The following FAM184B variants were observed in gnomAD, a reference collection of about 807,000 sequenced individuals.
FAM184B encodes the protein protein FAM184B.
FAM184B carries 111 observed loss-of-function variants against 135.9 expected under a neutral mutation model. The ratio of observed to expected loss-of-function variants is 0.82; its 90% CI spans 0.70 to 0.96. The LOEUF (loss-of-function observed/expected upper bound fraction) is 0.96. Ranked by LOEUF, FAM184B falls within the 40% of genes least tolerant of loss-of-function variation. The pLI is 0.00. For synonymous variants in FAM184B, 552 were observed against 524.8 expected, an observed-to-expected ratio of 1.05 and a Z score of -0.71; for missense variants, 1,375 against 1,323.9, an observed-to-expected ratio of 1.04 and a Z score of -0.60.
At chr4:17,637,028 CTTT>C (rs966128863) in intron 14 of FAM184B, among the ~76,000 whole-genome samples, 2 of 151,844 alleles carry the variant, frequency 1.3e-5, no homozygotes, top group African/African-American at 4.8e-5. Flanking sequence ...TACCTATGGC[CTTT>C]TTTTTCTTTT....
At chr4:17,726,879 G>T (rs573295908) in intron 1 of FAM184B, among the ~76,000 whole-genome samples, 2 of 152,182 alleles carry the variant, frequency 1.3e-5, no homozygotes, top group South Asian at 4.1e-4. Flanking sequence ...GATCTGGCTA[G>T]TGTCATGGAC....
intron 3 of FAM184B, 113 bp from the exon 4 acceptor site, chr4:17,706,004 C>A (rs62295656): frequency 0.35 from 470,989 of 1,361,046 alleles, 85,700 homozygotes; most frequent in Middle Eastern, 0.41. Flanking sequence ...TCCAACATCC[C>A]CTGTGTAATT....
intron 10 of FAM184B, among the ~76,000 whole-genome samples, chr4:17,657,355 A>T (rs1172241873): frequency 6.6e-6 from 1 of 152,180 alleles, no homozygotes; most frequent in African/African-American, 2.4e-5. Context: ...GCTGTTGTCC[A>T]GCAGCAAAAC....
At chr4:17,710,073 C>T (rs1489336321) in intron 1 of FAM184B, among the ~76,000 whole-genome samples, 2 of 152,098 alleles carry the variant, frequency 1.3e-5, no homozygotes, top group African/African-American at 4.8e-5. Context: ...CGGCTGTAAT[C>T]CCAGCACTTT....
intron 1 of FAM184B, among the ~76,000 whole-genome samples, chr4:17,772,836 G>A (rs1454234596): frequency 6.6e-6 from 1 of 152,192 alleles, no homozygotes; most frequent in Non-Finnish European, 1.5e-5. Flanking sequence ...CCTGCCAGGT[G>A]CACCTACCCC....
At chr4:17,750,955 T>C (rs1718276129) in intron 1 of FAM184B, among the ~76,000 whole-genome samples, 1 of 152,066 alleles carries the variant, frequency 6.6e-6, no homozygotes, top group African/African-American at 2.4e-5. Context: ...TCCCGACCCA[T>C]AGGACCCAAG....
rs1715078473 is a variant in FAM184B at position 17,634,999 on chromosome 4, A to G, written c.2889+10T>C. On this transcript the variant is annotated intron_variant, in intron 16 of 17. Coordinates refer to ENST00000265018, the MANE Select transcript of FAM184B (RefSeq NM_015688.2). The stretch of plus-strand genomic sequence containing the variant: ...TGTATAATGCATTAAAACCATTAGA[A>G]CCAATTTACCTTCATGGAAGGGGTC... 2 of 1,545,348 alleles carry G rather than the reference A, an allele frequency of 1.3e-6. No individual in the cohort carries two copies. The highest frequency in any genetic ancestry group is 1.8e-6 in the Non-Finnish European group (2 of 1,141,054).
At chr4:17,764,667 T>C (rs1036293872) in intron 1 of FAM184B, among the ~76,000 whole-genome samples, 1 of 152,230 alleles carries the variant, frequency 6.6e-6, no homozygotes, top group African/African-American at 2.4e-5. Context: ...GGCAGTATGC[T>C]AGAAGCTGTT....
chr4:17,652,792 T>C, intron 11 of FAM184B, 38 bp downstream of exon 11: 3 of 1,528,492 alleles, frequency 2.0e-6, no homozygotes, highest in Non-Finnish European at 2.7e-6. Flanking sequence ...GACCCTGCAG[T>C]TGGCCAGGCC....
rs117485704 is a variant in FAM184B at position 17,661,225 on chromosome 4, C to T, written c.1695-1138G>A. The stretch of plus-strand genomic sequence containing the variant: ...GTAGAGTCAATATCTATACTTAAAA[C>T]AGCGTCTGGCACATAGTAAGAATTA... On this transcript the variant is annotated intron_variant, in intron 8 of 17. Coordinates refer to ENST00000265018, the MANE Select transcript of FAM184B (RefSeq NM_015688.2). Among the ~76,000 whole-genome samples, 5 of 152,272 alleles carry T rather than the reference C, an allele frequency of 3.3e-5. 1 individual carries two copies. The East Asian group carries it at 9.7e-4, about 29-fold the overall frequency.
intron 1 of FAM184B, among the ~76,000 whole-genome samples, chr4:17,758,337 C>T (rs1337347385): frequency 6.6e-6 from 1 of 152,202 alleles, no homozygotes; most frequent in Non-Finnish European, 1.5e-5. Context: ...GTTTAGCCAT[C>T]AGTGATCATT....
intron 1 of FAM184B, among the ~76,000 whole-genome samples, chr4:17,766,534 G>C (rs1008898693): frequency 6.6e-6 from 1 of 151,892 alleles, no homozygotes; most frequent in African/African-American, 2.4e-5. Context: ...CCTTGAGCTA[G>C]ACACAGAGTG....
intron 1 of FAM184B, among the ~76,000 whole-genome samples, chr4:17,735,759 C>T (rs550162166): frequency 8.6e-5 from 13 of 152,042 alleles, no homozygotes; most frequent in South Asian, 2.1e-4. Flanking sequence ...GTGCAAGGAA[C>T]GCCATGCTCA....
chr4:17,774,099 G>GAGAGTGGCGGCTCA (rs1370269537), intron 1 of FAM184B, among the ~76,000 whole-genome samples: 1 of 152,192 alleles, frequency 6.6e-6, no homozygotes, highest in Non-Finnish European at 1.5e-5. Flanking sequence ...AGGTAAGGCC[G>GAGAGTGGCGGCTCA]AGAGTGGCGG....
chr4:17,660,141 C>A, intron 8 of FAM184B, 54 bp from the exon 9 acceptor site: 1 of 1,536,578 alleles, frequency 6.5e-7, no homozygotes, highest in East Asian at 2.5e-5. Flanking sequence ...AGGAATGACA[C>A]TGCCACTCCG....
intron 11 of FAM184B, among the ~76,000 whole-genome samples, chr4:17,648,407 C>T (rs1359455697): frequency 6.6e-6 from 1 of 151,756 alleles, no homozygotes; most frequent in Non-Finnish European, 1.5e-5. Flanking sequence ...AGTGCAGTGA[C>T]ACGATCTCGG....
At chr4:17,740,412 G>T (rs1718008179) in intron 1 of FAM184B, among the ~76,000 whole-genome samples, 1 of 150,674 alleles carries the variant, frequency 6.6e-6, no homozygotes, top group Non-Finnish European at 1.5e-5. Flanking sequence ...ATGTTAAATG[G>T]TTCACACCAC....
Position 17,667,015 on chromosome 4 carries a change from G to C in FAM184B, c.1597-2356C>G, listed in dbSNP as rs74852280. ...ACTCCGTCACCCAGGGTAGAGTACA[G>C]TTGCAAAATCATGGCTCACTGGAGC... On this transcript the variant is annotated intron_variant, in intron 7 of 17. Coordinates refer to ENST00000265018, the MANE Select transcript of FAM184B (RefSeq NM_015688.2). Among the ~76,000 whole-genome samples, 626 of 151,986 alleles carry C rather than the reference G, an allele frequency of 4.1e-3. 2 individuals are homozygous for C. The highest frequency in any genetic ancestry group is 0.014 in the African/African-American group (594 of 41,416).
At position 17,732,248 on chromosome 4, in the gene FAM184B, C is replaced by T. The variant is rs368102069; in HGVS notation, c.142-22604G>A. Among the ~76,000 whole-genome samples, 16 of 152,094 alleles carry T rather than the reference C, an allele frequency of 1.1e-4. No individual in the cohort carries two copies. The East Asian group carries it at 1.5e-3, about 15-fold the overall frequency. Reference sequence around the variant, plus strand: ...AGAGAAAGCAGGAAAGATCCAAAATCGACACCCTAACGTCACAATTAAAAG... The same window carrying T: ...AGAGAAAGCAGGAAAGATCCAAAATTGACACCCTAACGTCACAATTAAAAG... On this transcript the variant is annotated intron_variant, in intron 1 of 17. Transcript: ENST00000265018.
Sources: allele counts gnomAD v4.1 joint callset (sites outside exome capture counted in the v4.1 genomes callset), GRCh38; gene constraint gnomAD v4.1.1; transcripts MANE v1.5; gene names NCBI Gene and HGNC (gene_info 2026-07-23, HGNC 2026-07-21).